The following FANCA variants were observed in gnomAD, a reference collection of about 807,000 sequenced individuals.
FANCA encodes Fanconi anemia group A protein.
FANCA carries 236 observed loss-of-function variants against 194.3 expected under a neutral mutation model. That is an observed-to-expected ratio of 1.21 (90% confidence interval 1.09 to 1.35). The LOEUF is 1.35. FANCA is among the 40% of genes most tolerant of loss of function. The pLI, the probability that FANCA is intolerant of heterozygous loss-of-function variation, is 0.00. For synonymous variants in FANCA, 1,014 were observed against 715.8 expected (o/e 1.42, Z -6.65); for missense variants, 2,628 against 1,813.9 (o/e 1.45, Z -8.15).
At chr16:89,779,129 GTCT>G in intron 18 of FANCA, 126 bp from the exon 19 acceptor site, 1 of 863,802 alleles carries the variant, frequency 1.2e-6, no homozygotes, top group Non-Finnish European at 1.9e-6. Context: ...GCATTATGAA[GTCT>G]TCTTGTGCAC....
chr16:89,751,193 G>A (rs373044880), intron 31 of FANCA, among the ~76,000 whole-genome samples: 4 of 151,932 alleles, frequency 2.6e-5, no homozygotes, highest in Non-Finnish European at 4.4e-5. Flanking sequence ...GTGCCTGGCC[G>A]GCTGTATTTT....
At position 89,738,247 on chromosome 16, in the gene FANCA, G is replaced by A. The variant is rs991969468; in HGVS notation, c.*354C>T. ...GGCGGTGAAGCCCGAACCCACCTGA[G>A]GACGGCAGTGAGGATGAGCACCTCT... On this transcript the variant is annotated 3_prime_UTR_variant, in exon 43 of 43. Coordinates refer to ENST00000389301, the MANE Select transcript of FANCA (RefSeq NM_000135.4). 1.3e-6 allele frequency: 2 copies of A among 1,595,974 alleles called. No individual in the cohort carries two copies. The highest frequency in any genetic ancestry group is 8.5e-7 in the Non-Finnish European group (1 of 1,172,032).
At chr16:89,789,391 G>C (rs908951900) in intron 14 of FANCA, among the ~76,000 whole-genome samples, 1 of 150,230 alleles carries the variant, frequency 6.7e-6, no homozygotes, top group Non-Finnish European at 1.5e-5. Flanking sequence ...CTCCTACAAA[G>C]AGGCAACTAC....
At chr16:89,809,052 C>A (rs913786088) in intron 5 of FANCA, among the ~76,000 whole-genome samples, 15 of 151,986 alleles carry the variant, frequency 9.9e-5, no homozygotes, top group African/African-American at 3.6e-4. Flanking sequence ...ACTACAGGTG[C>A]CTGCCACCAC....
At chr16:89,799,117 C>G (rs755877103) in intron 10 of FANCA, 49 bp downstream of exon 10, 2 of 1,614,054 alleles carry the variant, frequency 1.2e-6, no homozygotes, top group Non-Finnish European at 1.7e-6. Flanking sequence ...TTTAATTTGG[C>G]AGACACCTCC....
intron 15 of FANCA, among the ~76,000 whole-genome samples, chr16:89,783,993 T>G (rs1477769167): frequency 6.6e-6 from 1 of 152,052 alleles, no homozygotes; most frequent in African/African-American, 2.4e-5. Context: ...ACTCCTGACC[T>G]CAAGTGATCT....
In FANCA at chr16:89,738,871, C is replaced by T. The variant is rs1339834291; in HGVS notation, c.4260+11G>A. ...CCCCCACATGGCCCAAGGTGGGCAT[C>T]TTGACGTTACCTCTGCCACGTGTGA... On this transcript the variant is annotated intron_variant, in intron 42 of 42. Coordinates refer to ENST00000389301, the MANE Select transcript of FANCA (RefSeq NM_000135.4). 1 of 1,614,242 alleles carries T rather than the reference C, an allele frequency of 6.2e-7. No individual in the cohort carries two copies. Among genetic ancestry groups the T allele is most frequent in the Non-Finnish European group, 8.5e-7 (1 of 1,180,046 alleles).
chr16:89,739,791 C>G (rs1258311819), intron 39 of FANCA: 28 of 1,466,728 alleles, frequency 1.9e-5, no homozygotes, highest in South Asian at 2.8e-5. Flanking sequence ...CCATGATAGG[C>G]CCATTGGTCC....
intron 37 of FANCA, among the ~76,000 whole-genome samples, chr16:89,742,199 ACTC>A (rs1402609387): frequency 6.6e-6 from 1 of 151,582 alleles, no homozygotes; most frequent in African/African-American, 2.4e-5. Flanking sequence ...CTGGTCTCAA[ACTC>A]CTGACACCAA....
intron 2 of FANCA, 53 bp from the exon 3 acceptor site, chr16:89,814,666 G>A: frequency 1.5e-6 from 2 of 1,326,582 alleles, no homozygotes; most frequent in South Asian, 1.2e-5. Flanking sequence ...CTCCAGGCCA[G>A]GCGTAGTGGC....
Position 89,745,024 on chromosome 16 carries a change from T to A in FANCA, c.3561A>T (p.Arg1187Ser), listed in dbSNP as rs781679210. Residue 1187 changes from arginine to serine, a missense_variant, in exon 36 of 43, where the codon AGA becomes AGT. Transcript: ENST00000389301. ...LEPVLLCRWR[R>S]HCQSPLPREL... ...CCCGGGGCAGCGGGCTCTGGCAGTG[T>A]CTCCTCCACCGGCAGAGCAGCACAG... 1 of 1,610,388 alleles carries A rather than the reference T, an allele frequency of 6.2e-7. No individual in the cohort carries two copies. The highest frequency in any genetic ancestry group is 1.3e-5 in the African/African-American group (1 of 74,878).
At chr16:89,765,440 C>T (rs562592623) in intron 27 of FANCA, among the ~76,000 whole-genome samples, 118 of 152,384 alleles carry the variant, frequency 7.7e-4, no homozygotes, top group African/African-American at 2.8e-3. Flanking sequence ...GCGATCATGG[C>T]TGTGCACAGT....
Position 89,805,404 on chromosome 16 carries a change from C to A in FANCA, c.597-12G>T. The A allele has an allele frequency of 6.2e-7, 1 of 1,600,616 alleles. No individual in the cohort carries two copies. Among genetic ancestry groups the A allele is most frequent in the Non-Finnish European group, 8.6e-7 (1 of 1,168,024 alleles). On this transcript the variant is annotated splice_polypyrimidine_tract_variant and intron_variant, in intron 6 of 42. Transcript: ENST00000389301. ...GCATGTCGGGATGGCTGGAGACACA[C>A]ACAGAGGCAGACGTAAGGCTCAACT...
chr16:89,749,914 C>A lies in FANCA; in HGVS notation c.3067-12G>T. 6.2e-7 allele frequency: 1 copy of A among 1,613,784 alleles called. No individual in the cohort carries two copies. The highest frequency in any genetic ancestry group is 1.1e-5 in the South Asian group (1 of 91,072). ...TCAGCTACCATCTCCTGAAAAAGAG[C>A]AGTATGCTGGCACAGGAAGGCCTCG... On this transcript the variant is annotated splice_polypyrimidine_tract_variant and intron_variant, in intron 31 of 42. Coordinates refer to ENST00000389301, the MANE Select transcript of FANCA (RefSeq NM_000135.4).
rs1432656621 is a variant in FANCA at position 89,783,032 on chromosome 16, G to T, written c.1541C>A (p.Ala514Asp). Residue 514 changes from alanine to aspartate, a missense_variant, in exon 16 of 43, where the codon GCC becomes GAC. By Grantham distance (126) the Ala-to-Asp change is moderately radical. Transcript: ENST00000389301. ...CTTGAGGTCGGCCAGCCGTGTCTTG[G>T]CCAATGAGATGTAGTCTGTGAGGAG... is the stretch of plus-strand genomic sequence containing the variant. ...RSLLTDYISL[A>D]KTRLADLKVS... The T allele has an allele frequency of 1.2e-6, 2 of 1,614,122 alleles. No homozygotes were observed. The highest frequency in any genetic ancestry group is 2.2e-5 in the South Asian group (2 of 91,088).
chr16:89,744,822 G>A (rs1010667032), intron 36 of FANCA, 137 bp downstream of exon 36: 28 of 806,484 alleles, frequency 3.5e-5, no homozygotes, highest in African/African-American at 3.4e-4. Flanking sequence ...ACGAGAACTC[G>A]GTTCTTTTCT....
At chr16:89,786,813 A>C (rs1396977705) in intron 14 of FANCA, among the ~76,000 whole-genome samples, 2 of 152,190 alleles carry the variant, frequency 1.3e-5, no homozygotes, top group Non-Finnish European at 2.9e-5. Context: ...AAAAATTTAA[A>C]TAAAACCTGA....
At chr16:89,809,691 A>G (rs1598187508) in intron 5 of FANCA, among the ~76,000 whole-genome samples, 1 of 152,150 alleles carries the variant, frequency 6.6e-6, no homozygotes, top group East Asian at 1.9e-4. Context: ...CTCTACTAAA[A>G]ATACAAAAAA....
At chr16:89,815,500 C>T (rs1285955535) in intron 2 of FANCA, among the ~76,000 whole-genome samples, 2 of 151,718 alleles carry the variant, frequency 1.3e-5, no homozygotes, top group African/African-American at 4.8e-5. Flanking sequence ...GGATTAAAGG[C>T]GTGCGCCACC....
Sources: gnomAD v4.1 joint callset for allele counts (sites outside exome capture counted in the v4.1 genomes callset) on GRCh38, gnomAD v4.1.1 for gene constraint, MANE v1.5 for transcripts, NCBI Gene and HGNC (gene_info 2026-07-23, HGNC 2026-07-21) for gene names.